The following EHHADH variants were observed in gnomAD, a reference collection of about 807,000 sequenced individuals.
The protein encoded by EHHADH is enoyl-CoA hydratase and 3-hydroxyacyl CoA dehydrogenase.
In EHHADH, 48 loss-of-function variants were observed where a neutral mutation model predicts 64.4. That is an observed-to-expected ratio of 0.75 (90% confidence interval 0.59 to 0.95). The LOEUF (loss-of-function observed/expected upper bound fraction) is 0.95, where lower values mean the gene tolerates loss of function less well. Among genes scored for constraint, EHHADH ranks in the 40% least tolerant of loss-of-function variants. The pLI is 0.00. For missense variants in EHHADH, 854 were observed against 876.6 expected (o/e 0.97, Z 0.33); for synonymous variants, 308 against 326.7 (o/e 0.94, Z 0.62).
intron 1 of EHHADH, among the ~76,000 whole-genome samples, chr3:185,250,913 A>G (rs1577380150): frequency 6.6e-6 from 1 of 152,234 alleles, no homozygotes; most frequent in Non-Finnish European, 1.5e-5. Context: ...TAGCTCAATC[A>G]GTGCCACTGA....
chr3:185,223,520 C>G (rs1718891829), intron 4 of EHHADH, among the ~76,000 whole-genome samples: 1 of 151,774 alleles, frequency 6.6e-6, no homozygotes, highest in South Asian at 2.1e-4. Flanking sequence ...GTGTGTCTTT[C>G]TTTTGGTCAT....
In EHHADH at chr3:185,191,955, A is replaced by G. The variant is rs1429698964; in HGVS notation, c.*271T>C. The G allele has an allele frequency of 8.3e-5, 36 of 433,258 alleles. No homozygotes were observed. The highest frequency in any genetic ancestry group is 1.3e-4 in the Non-Finnish European group (33 of 245,610). 26.8% of individuals were successfully genotyped at this position (433,258 alleles called of 1,614,324 possible). A position where few individuals can be genotyped will look rare whatever the true frequency, so the allele number is the denominator to read the frequency against. On this transcript the variant is annotated 3_prime_UTR_variant, in exon 7 of 7. Transcript: ENST00000231887. ...ATGATAAAAGCATTTGAGAATCTCA[A>G]CTTATGCCTGAGCCTCTTTCATTAG...
chr3:185,192,323 A>T lies in EHHADH; in HGVS notation c.2075T>A (p.Leu692Gln), dbSNP rs913067903. 4 of 1,614,174 alleles carry T rather than the reference A, an allele frequency of 2.5e-6. No homozygotes were observed. Among genetic ancestry groups the T allele is most frequent in the Non-Finnish European group, 2.5e-6 (3 of 1,180,030 alleles). ...YYRQNPDIPQ[L>Q]EPSDYLKKLA... is the part of the protein sequence containing the mutation. ...TTTTTTTAGATAGTCACTTGGCTCC[A>T]GTTGGGGAATATCAGGGTTCTGCCT... The change falls in exon 7 of 7, where the codon CTG becomes CAG. Residue 692 changes from leucine (L) to glutamine (Q), a missense_variant. Physicochemically the swap from Leu to Gln is moderately radical, Grantham distance 113. Transcript: ENST00000231887.
intron 1 of EHHADH, among the ~76,000 whole-genome samples, chr3:185,249,480 G>A (rs1025829246): frequency 3.3e-5 from 5 of 152,170 alleles, no homozygotes; most frequent in African/African-American, 9.7e-5. Flanking sequence ...TGATCCCCAC[G>A]TCAGGGAGGG....
intron 6 of EHHADH, among the ~76,000 whole-genome samples, chr3:185,201,007 A>C (rs1485034626): frequency 2.0e-5 from 3 of 152,126 alleles, no homozygotes; most frequent in African/African-American, 7.2e-5. Flanking sequence ...TAGAGAAGAA[A>C]ATAAAGATAA....
intron 6 of EHHADH, among the ~76,000 whole-genome samples, chr3:185,200,359 A>T (rs1317205616): frequency 6.6e-6 from 1 of 152,194 alleles, no homozygotes; most frequent in African/African-American, 2.4e-5. Context: ...TCAATACTAT[A>T]TAATAAATAT....
In EHHADH at chr3:185,251,083, A is replaced by G. The variant is rs1484059382; in HGVS notation, c.75-2566T>C. On this transcript the variant is annotated intron_variant, in intron 1 of 6. Transcript: ENST00000231887. ...AGAGTCATAGCAATGTAAAGGCCGC[A>G]GAAGTTATGAAATTATTTTCTCCTG... 3.9e-5 allele frequency among the ~76,000 whole-genome samples: 6 copies of G among 152,262 alleles called. No individual in the cohort carries two copies. The East Asian group carries it at 1.2e-3, about 29-fold the overall frequency.
At chr3:185,243,059 A>G (rs1202707568) in intron 2 of EHHADH, among the ~76,000 whole-genome samples, 13 of 152,130 alleles carry the variant, frequency 8.5e-5, no homozygotes, top group African/African-American at 3.1e-4. Context: ...CCACCCATGT[A>G]TTTCACATGG....
At chr3:185,227,020 G>C (rs1216591117) in intron 4 of EHHADH, among the ~76,000 whole-genome samples, 1 of 152,204 alleles carries the variant, frequency 6.6e-6, no homozygotes, top group Non-Finnish European at 1.5e-5. Context: ...CAGCATATGA[G>C]AGAAAATTAA....
At position 185,216,533 on chromosome 3, in the gene EHHADH, ATAG is replaced by A. The variant is rs1467371115; in HGVS notation, c.568+1600_568+1602del. On this transcript the variant is annotated intron_variant, in intron 5 of 6. Transcript: ENST00000231887. This position sits in a 1 kb window ranked among gnomAD's most constrained non-coding sequence, Gnocchi z 5.3. ...AAGGTTGCCTGAAAGGCCGAGAAAA[ATAG>A]TAGGAAATTTATTTCTATTTGGGCA... 6.6e-6 allele frequency among the ~76,000 whole-genome samples: 1 copy of A among 152,252 alleles called. No homozygotes were observed. Among genetic ancestry groups the A allele is most frequent in the Non-Finnish European group, 1.5e-5 (1 of 68,044 alleles).
chr3:185,218,304 A>G, intron 4 of EHHADH, 64 bp from the exon 5 acceptor site: 1 of 1,151,560 alleles, frequency 8.7e-7, no homozygotes, highest in Non-Finnish European at 1.3e-6. Context: ...AAGCAAAAGC[A>G]TTACTCTCTC....
At chr3:185,219,905 G>A (rs1718790286) in intron 4 of EHHADH, among the ~76,000 whole-genome samples, 1 of 152,128 alleles carries the variant, frequency 6.6e-6, no homozygotes, top group Admixed American at 6.6e-5. Flanking sequence ...TTGAAAAGCA[G>A]TATTTGGGCA....
At chr3:185,232,712 T>G (rs1202250949) in intron 3 of EHHADH, among the ~76,000 whole-genome samples, 1 of 152,168 alleles carries the variant, frequency 6.6e-6, no homozygotes, top group African/African-American at 2.4e-5. Context: ...CCTCCCAAAG[T>G]GCTGGGATTA....
chr3:185,201,824 C>T (rs773765866), intron 6 of EHHADH, among the ~76,000 whole-genome samples: 11 of 152,134 alleles, frequency 7.2e-5, no homozygotes, highest in Non-Finnish European at 7.3e-5. Context: ...ACAACAAAAT[C>T]GGGAAATCCT....
chr3:185,194,986 T>C lies in EHHADH; in HGVS notation c.911-1499A>G, dbSNP rs148525430. On this transcript the variant is annotated intron_variant, in intron 6 of 6. Transcript: ENST00000231887. ...CCAAGAACATTCAACAGAGAAAGTA[T>C]AGTCTTTTCAACAAATGATGCTGGG... 3.5e-3 allele frequency among the ~76,000 whole-genome samples: 526 copies of C among 152,070 alleles called. 1 individual carries two copies. Among genetic ancestry groups the C allele is most frequent in the African/African-American group, 0.012 (493 of 41,482 alleles).
rs959720474 is a variant in EHHADH at position 185,204,463 on chromosome 3, G to A, written c.863C>T (p.Ser288Leu). Residue 288 changes from serine (S) to leucine (L), a missense_variant, in exon 6 of 7, where the codon TCG becomes TTG. Coordinates refer to ENST00000231887, the MANE Select transcript of EHHADH (RefSeq NM_001966.4). Reference protein sequence around the residue: ...ANKWSTPSGASWKTASARPVS... With the variant: ...ANKWSTPSGALWKTASARPVS... The stretch of plus-strand genomic sequence containing the variant: ...AGGCCGCGCTGATGCTGTTTTCCAC[G>A]ATGCTCCGGAGGGAGTTGACCACTT... 3.7e-6 allele frequency: 6 copies of A among 1,613,380 alleles called. No individual in the cohort carries two copies. The highest frequency in any genetic ancestry group is 2.2e-5 in the East Asian group (1 of 44,880).
At chr3:185,225,699 C>T (rs1718955556) in intron 4 of EHHADH, among the ~76,000 whole-genome samples, 1 of 152,172 alleles carries the variant, frequency 6.6e-6, no homozygotes, top group Non-Finnish European at 1.5e-5. Flanking sequence ...ACTTCATCCT[C>T]TTACTACTTT....
At chr3:185,233,641 G>T (rs1323944537) in intron 3 of EHHADH, among the ~76,000 whole-genome samples, 4 of 151,898 alleles carry the variant, frequency 2.6e-5, no homozygotes, top group Non-Finnish European at 4.4e-5. Flanking sequence ...CCCAAATGTG[G>T]TTTTTTTTGT....
At chr3:185,236,404 CT>C (rs1039623316) in intron 2 of EHHADH, among the ~76,000 whole-genome samples, 2 of 151,356 alleles carry the variant, frequency 1.3e-5, no homozygotes, top group Non-Finnish European at 2.9e-5. Context: ...CCCACTACCC[CT>C]GTCCATGGAA....
Sources: gnomAD v4.1 joint callset for allele counts (sites outside exome capture counted in the v4.1 genomes callset) on GRCh38, gnomAD v4.1.1 for gene constraint, Gnocchi (gnomAD v3.1) non-coding constraint, MANE v1.5 for transcripts, NCBI Gene and HGNC (gene_info 2026-07-23, HGNC 2026-07-21) for gene names.